NGEF: variants seen among roughly 807,000 people sequenced by gnomAD.
NGEF encodes the protein ephexin-1.
Under a neutral mutation model 80.9 loss-of-function variants are expected in NGEF, and 31 were observed. The observed-to-expected ratio is 0.38, with a 90% confidence interval of 0.29 to 0.52. NGEF has a LOEUF of 0.52. Among genes scored for constraint, NGEF ranks in the 20% least tolerant of loss-of-function variants. The pLI, the probability that NGEF is intolerant of heterozygous loss-of-function variation, is 0.84. For synonymous variants in NGEF, 371 were observed against 370.2 expected (o/e 1.00, Z -0.03); for missense variants, 709 against 926.2 (o/e 0.77, Z 3.04).
At chr2:233,006,399 A>G (rs1275607874) in intron 1 of NGEF, among the ~76,000 whole-genome samples, 2 of 152,300 alleles carry the variant, frequency 1.3e-5, no homozygotes, top group Middle Eastern at 3.4e-3. Context: ...GGGGTTGTAG[A>G]GGCTTCTGGG....
chr2:232,948,238 G>A (rs1693603019), intron 3 of NGEF, among the ~76,000 whole-genome samples: 1 of 151,660 alleles, frequency 6.6e-6, no homozygotes. Flanking sequence ...ATCCAGGCTG[G>A]AGTGCAGCGC....
rs531123966 is a variant in NGEF at position 232,914,860 on chromosome 2, T to C, written c.828+5424A>G. On this transcript the variant is annotated intron_variant, in intron 5 of 14. Transcript: ENST00000264051. ...GGTGAAACCCTGTCTCTACTAAAAA[T>C]ACAAAAATTACCTGGGCGTGGTGGT... 1.1e-3 allele frequency among the ~76,000 whole-genome samples: 166 copies of C among 151,730 alleles called. 8 individuals are homozygous for C. Among genetic ancestry groups the C allele is most frequent in the Non-Finnish European group, 6.0e-4 (41 of 67,894 alleles).
intron 1 of NGEF, among the ~76,000 whole-genome samples, chr2:233,008,861 T>C (rs1695144333): frequency 6.6e-6 from 1 of 151,948 alleles, no homozygotes; most frequent in South Asian, 2.1e-4. Context: ...AGTGCAGTGG[T>C]TTGATCTTGG....
Position 232,954,752 on chromosome 2 carries a change from C to T in NGEF, c.383+15462G>A, listed in dbSNP as rs562876758. ...AAGAAAAAAAAAAAAAAGAGAGGAG[C>T]TCCTAATGCCATCTGAGGCAGGAAG... On this transcript the variant is annotated intron_variant, in intron 3 of 14. Transcript: ENST00000264051. 2.7e-5 allele frequency among the ~76,000 whole-genome samples: 4 copies of T among 148,976 alleles called. No individual in the cohort carries two copies. In the East Asian group the frequency reaches 5.9e-4, roughly 22 times the overall value.
chr2:232,945,531 T>C (rs1334090280), intron 3 of NGEF, among the ~76,000 whole-genome samples: 2 of 151,762 alleles, frequency 1.3e-5, no homozygotes, highest in East Asian at 1.9e-4. Context: ...TGTGAAGACA[T>C]TGGAAGAGCT....
At chr2:232,935,017 A>AT (rs1003448888) in intron 3 of NGEF, among the ~76,000 whole-genome samples, 6 of 152,152 alleles carry the variant, frequency 3.9e-5, no homozygotes, top group Non-Finnish European at 5.9e-5. Context: ...CAAAAAAAAA[A>AT]AATAATAATA....
chr2:232,996,615 T>C (rs1694855199), intron 1 of NGEF, among the ~76,000 whole-genome samples: 1 of 152,086 alleles, frequency 6.6e-6, no homozygotes, highest in Admixed American at 6.5e-5. Context: ...TATAACTTGA[T>C]GGTTTCACAC....
chr2:232,900,146 ACG>A (rs1159628444), intron 5 of NGEF, among the ~76,000 whole-genome samples: 3 of 110,336 alleles, frequency 2.7e-5, no homozygotes, highest in East Asian at 3.1e-4. Flanking sequence ...TCACACACAC[ACG>A]CTCACAGTCA....
chr2:232,944,004 C>T (rs1422708180), intron 3 of NGEF, among the ~76,000 whole-genome samples: 10 of 151,354 alleles, frequency 6.6e-5, no homozygotes, highest in African/African-American at 9.7e-5. Context: ...AGGCCGAGGC[C>T]GGCGGATCAC....
At chr2:232,884,405 CTG>C (rs969372306) in intron 10 of NGEF, among the ~76,000 whole-genome samples, 45 of 152,110 alleles carry the variant, frequency 3.0e-4, no homozygotes, top group African/African-American at 1.1e-3. Flanking sequence ...TGTGTATGGA[CTG>C]TGTTGTGTAC....
At chr2:233,011,115 C>G (rs1456758357) in intron 1 of NGEF, among the ~76,000 whole-genome samples, 1 of 152,148 alleles carries the variant, frequency 6.6e-6, no homozygotes, top group Non-Finnish European at 1.5e-5. Context: ...CTCTTTTCAC[C>G]AAGCGGGGTT....
intron 2 of NGEF, among the ~76,000 whole-genome samples, chr2:232,971,790 C>T (rs1414382465): frequency 6.6e-6 from 1 of 152,226 alleles, no homozygotes; most frequent in Non-Finnish European, 1.5e-5. Flanking sequence ...GTGTCAGCAT[C>T]CTTGGCTCAG....
At chr2:233,002,534 AG>A (rs1292024031) in intron 1 of NGEF, among the ~76,000 whole-genome samples, 2 of 152,108 alleles carry the variant, frequency 1.3e-5, no homozygotes, top group Non-Finnish European at 2.9e-5. Flanking sequence ...AAAATTAGCC[AG>A]GGGTGGTGGT....
intron 5 of NGEF, among the ~76,000 whole-genome samples, chr2:232,914,079 T>C (rs1225646097): frequency 6.6e-6 from 1 of 152,230 alleles, no homozygotes; most frequent in Non-Finnish European, 1.5e-5. Flanking sequence ...GGCTGGCCAC[T>C]TGTATTTGTA....
rs912415394 is a variant in NGEF at position 232,978,281 on chromosome 2, AG to A, written c.-74-3318del. ...ACGTCTGTAATCCCAGCACAGGCTGAGGGGGGGGATCATTTGAGGTCAGGAG... is the reference window on the plus strand; with the variant it reads ...ACGTCTGTAATCCCAGCACAGGCTGAGGGGGGGATCATTTGAGGTCAGGAG... On this transcript the variant is annotated intron_variant, in intron 1 of 14. Transcript: ENST00000264051. 1.4e-4 allele frequency among the ~76,000 whole-genome samples: 21 copies of A among 151,530 alleles called. No homozygotes were observed. The East Asian group carries it at 1.6e-3, about 11-fold the overall frequency.
intron 3 of NGEF, among the ~76,000 whole-genome samples, chr2:232,948,560 G>A (rs73995735): frequency 0.029 from 4,427 of 152,224 alleles, 213 homozygotes; most frequent in African/African-American, 0.1. Context: ...GCCAACATGC[G>A]AGGAGTTAAT....
chr2:232,974,841 G>C lies in NGEF; in HGVS notation c.50C>G (p.Ala17Gly), dbSNP rs757800175. The change falls in exon 2 of 15, where the codon GCA (alanine) becomes GGA (glycine). Residue 17 changes from alanine (A) to glycine (G), a missense_variant. Transcript: ENST00000264051. ...EDLEKTRRKS[A>G]SDQWNTDNEP... The stretch of plus-strand genomic sequence containing the variant: ...ATTATCAGTGTTCCATTGATCACTT[G>C]CTGATTTCCTCCGGGTCTTTTCCAA... 16 of 1,614,114 alleles carry C rather than the reference G, an allele frequency of 9.9e-6. No homozygotes were observed. The highest frequency in any genetic ancestry group is 5.5e-5 in the South Asian group (5 of 91,054).
chr2:232,894,911 C>T lies in NGEF; in HGVS notation c.834G>A (p.Met278Ile). The change falls in exon 6 of 15, where the codon ATG (methionine) becomes ATA (isoleucine). Residue 278 changes from methionine (M) to isoleucine (I), a missense_variant. Transcript: ENST00000264051. ...ACGCCTCGGAAGTGACCAGCTCGAA[C>T]ATGGCCTGTAGCAGGGAGACCCCAT... The part of the protein sequence containing the change: ...QPEEIKLQEA[M>I]FELVTSEASY... 1.3e-6 allele frequency: 2 copies of T among 1,585,892 alleles called. No homozygotes were observed. Among genetic ancestry groups the T allele is most frequent in the South Asian group, 2.2e-5 (2 of 89,884 alleles).
chr2:232,970,054 T>C (rs898462808), intron 3 of NGEF, 160 bp downstream of exon 3: 16 of 397,816 alleles, frequency 4.0e-5, no homozygotes, highest in Admixed American at 9.5e-5. Context: ...TTTTTTTAAA[T>C]TATGGAGTTT....
Sources: allele counts gnomAD v4.1 joint callset (sites outside exome capture counted in the v4.1 genomes callset), GRCh38; gene constraint gnomAD v4.1.1; transcripts MANE v1.5; gene names NCBI Gene and HGNC (gene_info 2026-07-23, HGNC 2026-07-21).